BMP2K: variants seen among roughly 807,000 people sequenced by gnomAD.
BMP2K encodes the protein BMP2 inducible kinase.
BMP2K carries 74 observed loss-of-function variants against 116.0 expected under a neutral mutation model. The observed-to-expected ratio is 0.64, with a 90% CI of 0.53 to 0.77. BMP2K has a LOEUF of 0.77. Among genes scored for constraint, BMP2K ranks in the 30% least tolerant of loss-of-function variants. The probability of loss-of-function intolerance (pLI) is 0.00; values close to 1 mark genes in which losing one functional copy is unlikely to be tolerated. For missense variants in BMP2K, 1,365 were observed against 1,403.6 expected (o/e 0.97, Z 0.44); for synonymous variants, 486 against 502.5 (o/e 0.97, Z 0.44).
chr4:78,912,224 G>C lies in BMP2K; in HGVS notation c.*191G>C. The C allele has an allele frequency of 1.8e-6, 1 of 542,762 alleles. No homozygotes were observed. The highest frequency in any genetic ancestry group is 3.2e-6 in the Non-Finnish European group (1 of 316,880). The allele number at this position is 542,762 out of a possible 1,614,324, so 33.6% of individuals were successfully genotyped here. On this transcript the variant is annotated 3_prime_UTR_variant, in exon 16 of 16. Transcript: ENST00000502613. ...GGGTAGTAACTTGATTCCTCTTCAG[G>C]AGAAAAGGGAGCTAAATTGCAAGCT...
chr4:78,783,733 G>T (rs1727609440), intron 1 of BMP2K, among the ~76,000 whole-genome samples: 1 of 152,164 alleles, frequency 6.6e-6, no homozygotes, highest in South Asian at 2.1e-4. Flanking sequence ...TTGAGCCCAG[G>T]AGGCAGAGGT....
chr4:78,847,623 A>G lies in BMP2K; in HGVS notation c.750+354A>G, dbSNP rs375054102. ...GACATAACTCTTAAGTAATTACACA[A>G]TAATTTTCTGGAGTATTTTAGGGTC... On this transcript the variant is annotated intron_variant, in intron 6 of 15. Coordinates refer to ENST00000502613, the MANE Select transcript of BMP2K (RefSeq NM_198892.2). 7.2e-5 allele frequency among the ~76,000 whole-genome samples: 11 copies of G among 151,774 alleles called. No homozygotes were observed. The East Asian group carries it at 1.9e-3, about 27-fold the overall frequency.
chr4:78,860,061 A>G (rs1231796244), intron 8 of BMP2K: 1 of 515,760 alleles, frequency 1.9e-6, no homozygotes, highest in African/African-American at 1.9e-5. Context: ...TTACTGAGAC[A>G]CGGAGCACTG....
At chr4:78,890,349 T>A (rs1166131412) in intron 15 of BMP2K, among the ~76,000 whole-genome samples, 1 of 152,132 alleles carries the variant, frequency 6.6e-6, no homozygotes, top group Admixed American at 6.5e-5. Context: ...AAATGAGATT[T>A]TTTTTTGATT....
intron 14 of BMP2K, among the ~76,000 whole-genome samples, chr4:78,883,122 A>C (rs1032357295): frequency 2.6e-5 from 4 of 152,144 alleles, no homozygotes. Flanking sequence ...ATCAATTAAA[A>C]TTCTTGAAAA....
At chr4:78,788,915 T>TAA (rs57174914) in intron 1 of BMP2K, among the ~76,000 whole-genome samples, 1 of 150,782 alleles carries the variant, frequency 6.6e-6, no homozygotes. Context: ...TTTTTTTTTT[T>TAA]AAATACACTA....
At chr4:78,829,695 A>G (rs1469900626) in intron 2 of BMP2K, among the ~76,000 whole-genome samples, 1 of 152,062 alleles carries the variant, frequency 6.6e-6, no homozygotes, top group Non-Finnish European at 1.5e-5. Context: ...TGAAAGTTAA[A>G]ATTACTCCTT....
chr4:78,788,172 T>C (rs1421053330), intron 1 of BMP2K, among the ~76,000 whole-genome samples: 12 of 152,116 alleles, frequency 7.9e-5, no homozygotes, highest in Admixed American at 2.0e-4. Context: ...CGTTGAATGT[T>C]AATGGTCTAT....
intron 1 of BMP2K, among the ~76,000 whole-genome samples, chr4:78,799,439 GT>G (rs1262141662): frequency 6.6e-6 from 1 of 152,110 alleles, no homozygotes; most frequent in African/African-American, 2.4e-5. Context: ...TTGTATTTTA[GT>G]TACTTAAATG....
chr4:78,813,473 A>G (rs1429227356), intron 1 of BMP2K, among the ~76,000 whole-genome samples: 1 of 152,126 alleles, frequency 6.6e-6, no homozygotes. Flanking sequence ...CTCATCCGTA[A>G]TAAGACTTTG....
intron 1 of BMP2K, among the ~76,000 whole-genome samples, chr4:78,813,382 G>C (rs1729180722): frequency 6.6e-6 from 1 of 152,106 alleles, no homozygotes; most frequent in Admixed American, 6.5e-5. Context: ...ATTAAAATTT[G>C]AGTCCAGTCA....
chr4:78,882,108 A>T (rs1732902918), intron 14 of BMP2K, among the ~76,000 whole-genome samples: 1 of 151,936 alleles, frequency 6.6e-6, no homozygotes, highest in Non-Finnish European at 1.5e-5. Flanking sequence ...ATTCATGGTT[A>T]TTTTTTTAAA....
chr4:78,804,170 C>T (rs1466863112), intron 1 of BMP2K, among the ~76,000 whole-genome samples: 1 of 152,134 alleles, frequency 6.6e-6, no homozygotes, highest in Non-Finnish European at 1.5e-5. Flanking sequence ...TTTTCTGTCT[C>T]TATGGATTTG....
chr4:78,810,592 A>G (rs1299737288), intron 1 of BMP2K, among the ~76,000 whole-genome samples: 1 of 152,200 alleles, frequency 6.6e-6, no homozygotes, highest in East Asian at 1.9e-4. Flanking sequence ...TTTTCCAGGT[A>G]GCTGACTGAC....
At chr4:78,855,769 TTAG>T (rs1731478843) in intron 7 of BMP2K, among the ~76,000 whole-genome samples, 1 of 152,200 alleles carries the variant, frequency 6.6e-6, no homozygotes, top group Admixed American at 6.6e-5. Context: ...TTAGGTTGTG[TTAG>T]TAGTATTTGT....
chr4:78,867,999 G>T (rs1032149575), intron 10 of BMP2K, among the ~76,000 whole-genome samples: 3 of 152,224 alleles, frequency 2.0e-5, no homozygotes, highest in African/African-American at 7.2e-5. Context: ...GGTGGAGGTT[G>T]CAGTAAGCCA....
At chr4:78,813,589 A>G (rs1729191568) in intron 1 of BMP2K, among the ~76,000 whole-genome samples, 1 of 152,094 alleles carries the variant, frequency 6.6e-6, no homozygotes, top group South Asian at 2.1e-4. Flanking sequence ...CTTATCAACC[A>G]TGCCTCCTGC....
chr4:78,879,266 A>AAT (rs1359543557), intron 14 of BMP2K: 1 of 1,007,702 alleles, frequency 9.9e-7, no homozygotes, highest in Admixed American at 6.0e-5. Flanking sequence ...CTGCACACTC[A>AAT]ATAGAAAATA....
intron 1 of BMP2K, among the ~76,000 whole-genome samples, chr4:78,787,333 C>T (rs1578465674): frequency 1.3e-5 from 2 of 152,106 alleles, no homozygotes; most frequent in East Asian, 3.8e-4. Flanking sequence ...AAAAATACTA[C>T]CAGATTTATT....
Sources: allele counts gnomAD v4.1 joint callset (sites outside exome capture counted in the v4.1 genomes callset), GRCh38; gene constraint gnomAD v4.1.1; transcripts MANE v1.5; gene names NCBI Gene and HGNC (gene_info 2026-07-23, HGNC 2026-07-21).